Variants in SYN3 observed in about 807,000 individuals in gnomAD.
SYN3 encodes synapsin III.
SYN3 carries 35 observed loss-of-function variants against 65.8 expected under a neutral mutation model. The ratio of observed to expected loss-of-function variants is 0.53; its 90% CI spans 0.41 to 0.70. SYN3 has a LOEUF of 0.70. Ranked by LOEUF, SYN3 falls within the 30% of genes least tolerant of loss-of-function variation. The pLI, the probability that SYN3 is intolerant of heterozygous loss-of-function variation, is 0.00. For missense variants in SYN3, 680 were observed against 749.0 expected (o/e 0.91, Z 1.08); for synonymous variants, 270 against 292.9 (o/e 0.92, Z 0.80).
intron 6 of SYN3, among the ~76,000 whole-genome samples, chr22:32,681,860 G>A (rs1225302998): frequency 6.6e-6 from 1 of 152,222 alleles, no homozygotes; most frequent in Non-Finnish European, 1.5e-5. Flanking sequence ...AGTAAAAAGA[G>A]GTATGAAATG....
chr22:32,635,223 C>T (rs1352018397), intron 6 of SYN3: 1 of 152,124 alleles, frequency 6.6e-6, no homozygotes, highest in Non-Finnish European at 1.5e-5. Flanking sequence ...ATCTGTCTGT[C>T]TATCTATCTG....
chr22:32,723,703 C>G (rs1026059122), intron 6 of SYN3, among the ~76,000 whole-genome samples: 2 of 152,364 alleles, frequency 1.3e-5, no homozygotes, highest in East Asian at 3.9e-4. Context: ...GAAAATAGAG[C>G]GGAGTCATTC....
chr22:32,833,789 A>G (rs898088411), intron 6 of SYN3: 4 of 499,230 alleles, frequency 8.0e-6, no homozygotes, highest in African/African-American at 7.9e-5. Context: ...GACAACACTT[A>G]CTTTATAGGG....
intron 6 of SYN3, among the ~76,000 whole-genome samples, chr22:32,724,704 CAG>C (rs2061165975): frequency 6.6e-6 from 1 of 152,074 alleles, no homozygotes; most frequent in Admixed American, 6.5e-5. Flanking sequence ...GTGTCGGGGA[CAG>C]AGAGAGTAAA....
intron 3 of SYN3, among the ~76,000 whole-genome samples, chr22:32,956,579 C>G (rs1404785386): frequency 6.6e-6 from 1 of 152,180 alleles, no homozygotes; most frequent in African/African-American, 2.4e-5. Context: ...ATCATGTTTT[C>G]AAGGCTCATC....
At chr22:32,967,918 G>A (rs1461585062) in intron 3 of SYN3, among the ~76,000 whole-genome samples, 3 of 152,212 alleles carry the variant, frequency 2.0e-5, no homozygotes, top group South Asian at 2.1e-4. Flanking sequence ...TGAAGGCCAC[G>A]CTGGAGAAGT....
intron 7 of SYN3, among the ~76,000 whole-genome samples, chr22:32,594,112 A>G (rs2059164471): frequency 6.6e-6 from 1 of 152,012 alleles, no homozygotes; most frequent in African/African-American, 2.4e-5. Flanking sequence ...CTGGAGCCAT[A>G]TGCAAGGATG....
rs539829062 is a variant in SYN3, at chr22:32,610,288, C to G, written c.712-13552G>C. ...AGATCAAGATTCTGTCCCCCTGCCC[C>G]CCCCAAAAAAAGAAATGTACAGTTC... On this transcript the variant is annotated intron_variant, in intron 6 of 13. Transcript: ENST00000358763. Among the ~76,000 whole-genome samples the G allele has an allele frequency of 1.9e-3, 292 of 151,906 alleles. 3 individuals carry two copies. In the South Asian group the frequency reaches 0.037, roughly 19 times the overall value.
At chr22:32,614,121 C>T (rs1243380204) in intron 6 of SYN3, among the ~76,000 whole-genome samples, 2 of 152,242 alleles carry the variant, frequency 1.3e-5, no homozygotes, top group African/African-American at 2.4e-5. Context: ...GCTGGGCATA[C>T]AGGGAGTGCT....
chr22:32,955,179 G>C (rs2051414540), intron 3 of SYN3, among the ~76,000 whole-genome samples: 1 of 152,012 alleles, frequency 6.6e-6, no homozygotes, highest in African/African-American at 2.4e-5. Flanking sequence ...CTACTACTGG[G>C]ACCTCCAAGA....
rs1046364920 is a variant in SYN3 at position 32,801,956 on chromosome 22, T to C, written c.711+62959A>G. On this transcript the variant is annotated intron_variant, in intron 6 of 13. Coordinates refer to ENST00000358763, the MANE Select transcript of SYN3 (RefSeq NM_003490.4). This position sits in a 1 kb window ranked among gnomAD's most constrained non-coding sequence, Gnocchi z 4.7. ...CCCCGCCGGCGGCGCGCACGGCAAC[T>C]TTGGAGAGGCGAGCAGCAGCCCCGG... The C allele has an allele frequency of 6.4e-7, 1 of 1,564,340 alleles. No homozygotes were observed. Among genetic ancestry groups the C allele is most frequent in the Non-Finnish European group, 8.6e-7 (1 of 1,163,990 alleles).
At chr22:32,891,495 G>A (rs367791669) in intron 4 of SYN3, among the ~76,000 whole-genome samples, 1 of 152,086 alleles carries the variant, frequency 6.6e-6, no homozygotes, top group East Asian at 1.9e-4. Flanking sequence ...TCTGAAGAGC[G>A]CTCAGCATTC....
chr22:32,545,496 G>A (rs2058323758), intron 7 of SYN3, among the ~76,000 whole-genome samples: 1 of 152,144 alleles, frequency 6.6e-6, no homozygotes, highest in Non-Finnish European at 1.5e-5. Context: ...CGTTTGAGTG[G>A]TTGTGCACTG....
At chr22:32,870,881 A>T (rs2048831010) in intron 4 of SYN3, among the ~76,000 whole-genome samples, 1 of 152,158 alleles carries the variant, frequency 6.6e-6, no homozygotes, top group East Asian at 1.9e-4. Flanking sequence ...TTTCCTATTG[A>T]GGTGAGTTCT....
intron 6 of SYN3, among the ~76,000 whole-genome samples, chr22:32,760,033 A>C (rs1187684981): frequency 4.4e-5 from 1 of 22,934 alleles, no homozygotes. Context: ...GTACCCACCC[A>C]CCCCCAGCCA....
chr22:32,742,886 C>T (rs2044817199), intron 6 of SYN3, among the ~76,000 whole-genome samples: 1 of 152,144 alleles, frequency 6.6e-6, no homozygotes, highest in South Asian at 2.1e-4. Flanking sequence ...CTATAAGGTC[C>T]CTGGAACTGT....
chr22:32,719,854 AAAG>A (rs1400253706), intron 6 of SYN3, among the ~76,000 whole-genome samples: 1 of 152,164 alleles, frequency 6.6e-6, no homozygotes, highest in African/African-American at 2.4e-5. Context: ...AAAAACAAAA[AAAG>A]AGAGAGAGAG....
chr22:32,966,484 T>A (rs186365334), intron 3 of SYN3, among the ~76,000 whole-genome samples: 3 of 152,248 alleles, frequency 2.0e-5, no homozygotes, highest in Admixed American at 2.0e-4. Flanking sequence ...GAGGGCCTTG[T>A]GTGCAGAGCT....
intron 6 of SYN3, among the ~76,000 whole-genome samples, chr22:32,781,533 C>T (rs373158728): frequency 6.6e-6 from 1 of 152,124 alleles, no homozygotes; most frequent in East Asian, 1.9e-4. Context: ...CCCCACAGGG[C>T]TGGGCTCAGG....
Sources: gnomAD v4.1 joint callset for allele counts (sites outside exome capture counted in the v4.1 genomes callset) on GRCh38, gnomAD v4.1.1 for gene constraint, Gnocchi (gnomAD v3.1) non-coding constraint, MANE v1.5 for transcripts, NCBI Gene and HGNC (gene_info 2026-07-23, HGNC 2026-07-21) for gene names.